Variants in ADGRB1 observed in about 807,000 individuals in gnomAD.
ADGRB1 encodes the protein brain-specific angiogenesis inhibitor 1.
A neutral mutation model predicts 175.7 loss-of-function variants in ADGRB1; 36 were observed. The observed-to-expected ratio is 0.20, with a 90% CI of 0.16 to 0.27. The LOEUF (loss-of-function observed/expected upper bound fraction) is 0.27. Ranked by LOEUF, ADGRB1 falls within the 10% of genes least tolerant of loss-of-function variation. ADGRB1 has a pLI of 1.00. For synonymous variants in ADGRB1, 1,054 were observed against 979.4 expected, an observed-to-expected ratio of 1.08 and a Z score of -1.42; for missense variants, 1,731 against 2,255.3, an observed-to-expected ratio of 0.77 and a Z score of 4.71.
intron 25 of ADGRB1, among the ~76,000 whole-genome samples, chr8:142,536,751 A>G (rs1179809670): frequency 6.6e-6 from 1 of 151,922 alleles, no homozygotes; most frequent in Non-Finnish European, 1.5e-5. Context: ...CTTGGTAGAG[A>G]GAATCTCAGA....
At chr8:142,483,083 C>T (rs1296760781) in intron 11 of ADGRB1, among the ~76,000 whole-genome samples, 4 of 150,374 alleles carry the variant, frequency 2.7e-5, no homozygotes, top group Non-Finnish European at 4.4e-5. Flanking sequence ...TGACACTGGT[C>T]ACCCACTGAA....
chr8:142,456,441 A>AC (rs890113334), intron 1 of ADGRB1, among the ~76,000 whole-genome samples: 24 of 150,976 alleles, frequency 1.6e-4, no homozygotes, highest in South Asian at 8.4e-4. Flanking sequence ...ACACTTCCTC[A>AC]CCCCCCCGAA....
intron 1 of ADGRB1, among the ~76,000 whole-genome samples, chr8:142,457,818 C>G (rs1443711299): frequency 1.3e-5 from 2 of 152,168 alleles, no homozygotes; most frequent in Non-Finnish European, 2.9e-5. Flanking sequence ...CCCTGAGACA[C>G]GCAAATAAGT....
chr8:142,517,764 G>T (rs971629091), intron 18 of ADGRB1, among the ~76,000 whole-genome samples: 1 of 152,162 alleles, frequency 6.6e-6, no homozygotes, highest in Non-Finnish European at 1.5e-5. Context: ...AGGACTGTGC[G>T]TGTGGGTGGG....
At chr8:142,470,284 A>C (rs919275482) in intron 2 of ADGRB1, among the ~76,000 whole-genome samples, 5 of 152,028 alleles carry the variant, frequency 3.3e-5, no homozygotes, top group African/African-American at 1.2e-4. Context: ...GTTTCTCTCA[A>C]GGGTTGTTTT....
At chr8:142,499,152 G>A (rs964510747) in intron 17 of ADGRB1, among the ~76,000 whole-genome samples, 1 of 152,256 alleles carries the variant, frequency 6.6e-6, no homozygotes, top group African/African-American at 2.4e-5. Context: ...ACACAGGGTA[G>A]CTTGGCAGTT....
At chr8:142,472,971 C>A (rs1428919521) in intron 2 of ADGRB1, among the ~76,000 whole-genome samples, 1 of 152,092 alleles carries the variant, frequency 6.6e-6, no homozygotes, top group African/African-American at 2.4e-5. Flanking sequence ...ATCCTCTGGG[C>A]CAGTGTCCCG....
At chr8:142,541,310 C>T (rs908754438) in intron 27 of ADGRB1, among the ~76,000 whole-genome samples, 11 of 152,104 alleles carry the variant, frequency 7.2e-5, no homozygotes, top group Non-Finnish European at 2.9e-5. Context: ...GAGGTCAAGG[C>T]GGCTGGGCCC....
intron 1 of ADGRB1, among the ~76,000 whole-genome samples, chr8:142,459,680 A>G (rs3934731): frequency 0.12 from 18,881 of 152,238 alleles, 1,546 homozygotes; most frequent in East Asian, 0.23. Flanking sequence ...GCACACAGGA[A>G]CACATGCACA....
chr8:142,534,031 T>TC (rs894789924), intron 25 of ADGRB1, among the ~76,000 whole-genome samples: 1 of 152,044 alleles, frequency 6.6e-6, no homozygotes, highest in Non-Finnish European at 1.5e-5. Flanking sequence ...GGCGGCCACC[T>TC]CCCCCTTCCT....
intron 3 of ADGRB1, among the ~76,000 whole-genome samples, chr8:142,476,380 C>T (rs745512232): frequency 2.6e-5 from 4 of 152,188 alleles, no homozygotes; most frequent in Admixed American, 2.0e-4. Flanking sequence ...GGAGGTGGCG[C>T]GGGGTATGGG....
chr8:142,532,911 C>T (rs1844708832), intron 24 of ADGRB1, among the ~76,000 whole-genome samples: 2 of 152,146 alleles, frequency 1.3e-5, no homozygotes, highest in African/African-American at 4.8e-5. Context: ...GAGCCCTTCC[C>T]CCTTGCCCAG....
chr8:142,476,694 C>T lies in ADGRB1; in HGVS notation c.1056C>T (p.Thr352=), dbSNP rs546374374. 1.9e-5 allele frequency: 30 copies of T among 1,544,472 alleles called. No individual in the cohort carries two copies. The East Asian group carries it at 6.9e-4, about 35-fold the overall frequency. The change falls in exon 4 of 31, where the codon ACC becomes ACT. Residue 352 remains threonine, a splice_region_variant and synonymous_variant. Coordinates refer to ENST00000517894, the MANE Select transcript of ADGRB1 (RefSeq NM_001702.3). ...AGTTTGGGTTCCCAGCCCCCCAGACCGGTGAGCTGGCGGGAGGGGGGTGGG... is the reference window on the plus strand; with the variant it reads ...AGTTTGGGTTCCCAGCCCCCCAGACTGGTGAGCTGGCGGGAGGGGGGTGGG... ...LQQFGFPAPQ[T]GDPAAEEWSP... is the part of the protein sequence containing the mutation.
intron 9 of ADGRB1, among the ~76,000 whole-genome samples, chr8:142,480,507 A>G (rs995339270): frequency 1.3e-5 from 2 of 152,092 alleles, no homozygotes; most frequent in Non-Finnish European, 2.9e-5. Flanking sequence ...AGAACAGGGC[A>G]TGTTCTCGGT....
At chr8:142,456,752 G>A (rs571276096) in intron 1 of ADGRB1, among the ~76,000 whole-genome samples, 2 of 152,344 alleles carry the variant, frequency 1.3e-5, no homozygotes, top group South Asian at 2.1e-4. Context: ...ATAACACCGC[G>A]GCCTGCCCGC....
intron 24 of ADGRB1, among the ~76,000 whole-genome samples, chr8:142,527,241 G>T (rs948415481): frequency 7.9e-5 from 12 of 152,126 alleles, no homozygotes; most frequent in African/African-American, 2.7e-4. Flanking sequence ...GAAGCTGCGG[G>T]GCGTGGGGAG....
At chr8:142,529,589 C>T (rs1430471410) in intron 24 of ADGRB1, among the ~76,000 whole-genome samples, 12 of 150,252 alleles carry the variant, frequency 8.0e-5, no homozygotes, top group South Asian at 4.3e-4. Flanking sequence ...CATGTGTGAG[C>T]GTGCATGTAT....
At chr8:142,460,370 G>GA (rs1839910911) in intron 1 of ADGRB1, among the ~76,000 whole-genome samples, 1 of 152,242 alleles carries the variant, frequency 6.6e-6, no homozygotes, top group Admixed American at 6.5e-5. Flanking sequence ...GGCCCATCCA[G>GA]AAAAGGCAGG....
chr8:142,477,727 T>C (rs374004559), intron 6 of ADGRB1, among the ~76,000 whole-genome samples, 178 bp downstream of exon 6: 3 of 152,316 alleles, frequency 2.0e-5, no homozygotes, highest in East Asian at 3.9e-4. Context: ...CTTGGGGCAT[T>C]TCCCACCCAT....
Sources: gnomAD v4.1 joint callset for allele counts (sites outside exome capture counted in the v4.1 genomes callset) on GRCh38, gnomAD v4.1.1 for gene constraint, MANE v1.5 for transcripts, NCBI Gene and HGNC (gene_info 2026-07-23, HGNC 2026-07-21) for gene names.